OPCML: variants seen among roughly 807,000 people sequenced by gnomAD.
OPCML encodes the protein opioid-binding protein/cell adhesion molecule.
A neutral mutation model predicts 37.8 loss-of-function variants in OPCML; 13 were observed. That is an observed-to-expected ratio of 0.34 (90% CI 0.22 to 0.55). OPCML has a LOEUF of 0.55. Among genes scored for constraint, OPCML ranks in the 20% least tolerant of loss-of-function variants. OPCML has a pLI of 0.91. For missense variants in OPCML, 341 were observed against 435.6 expected (o/e 0.78, Z 1.93); for synonymous variants, 176 against 168.8 (o/e 1.04, Z -0.33).
chr11:133,165,786 A>T (rs1011621474), intron 1 of OPCML, among the ~76,000 whole-genome samples: 1 of 152,004 alleles, frequency 6.6e-6, no homozygotes, highest in African/African-American at 2.4e-5. Context: ...CTTGAAGCTC[A>T]CTTCACGTGT....
chr11:133,147,804 A>T (rs1949918645), intron 1 of OPCML, among the ~76,000 whole-genome samples: 1 of 152,198 alleles, frequency 6.6e-6, no homozygotes, highest in South Asian at 2.1e-4. Flanking sequence ...TCACCGGTTC[A>T]CACTGTTACT....
At chr11:133,503,156 A>G in intron 1 of OPCML, among the ~76,000 whole-genome samples, 1 of 152,214 alleles carries the variant, frequency 6.6e-6, no homozygotes, top group Non-Finnish European at 1.5e-5. Context: ...AGTGAGTTTC[A>G]GAAAAATGTG....
intron 2 of OPCML, among the ~76,000 whole-genome samples, chr11:132,851,103 C>A (rs1941789399): frequency 1.3e-5 from 2 of 152,170 alleles, no homozygotes; most frequent in Admixed American, 6.5e-5. Flanking sequence ...GATAACCAAG[C>A]ACAGAAGTGT....
chr11:132,985,255 C>T (rs541863981), intron 1 of OPCML, among the ~76,000 whole-genome samples: 2 of 152,172 alleles, frequency 1.3e-5, no homozygotes, highest in South Asian at 4.1e-4. Flanking sequence ...CAGGACATCA[C>T]CAGGCCAAAA....
intron 1 of OPCML, among the ~76,000 whole-genome samples, chr11:133,362,748 G>A (rs532180631): frequency 6.6e-6 from 1 of 152,248 alleles, no homozygotes; most frequent in South Asian, 2.1e-4. Context: ...AAGATGGAAG[G>A]ATAAGAGGAG....
intron 1 of OPCML, among the ~76,000 whole-genome samples, chr11:133,213,667 A>G (rs1203104776): frequency 6.6e-6 from 1 of 152,204 alleles, no homozygotes; most frequent in Non-Finnish European, 1.5e-5. Flanking sequence ...AAAAGTTACA[A>G]CATTGCAGTT....
chr11:132,650,015 A>C lies in OPCML; in HGVS notation c.379+7072T>G, dbSNP rs528090665. Among the ~76,000 whole-genome samples the C allele has an allele frequency of 1.8e-4, 27 of 152,162 alleles. No homozygotes were observed. The South Asian group carries it at 5.4e-3, about 30-fold the overall frequency. On this transcript the variant is annotated intron_variant, in intron 3 of 7. Coordinates refer to ENST00000524381, the MANE Select transcript of OPCML (RefSeq NM_001012393.5). ...CACTCACACAGTTTTTATAGGTTGT[A>C]TGGCTCTTTCCTCTGTGGCCTCTGG...
At chr11:133,201,497 T>G (rs509892) in intron 1 of OPCML, among the ~76,000 whole-genome samples, 1 of 151,956 alleles carries the variant, frequency 6.6e-6, no homozygotes, top group South Asian at 2.1e-4. Flanking sequence ...CTGAGATAAA[T>G]TGGGGAGCCA....
intron 2 of OPCML, among the ~76,000 whole-genome samples, chr11:132,909,595 C>T (rs191724600): frequency 9.8e-5 from 15 of 152,314 alleles, no homozygotes; most frequent in Admixed American, 7.8e-4. Context: ...GGCTTCAGTC[C>T]GTTGTGGAGA....
chr11:133,157,081 T>C (rs541565943), intron 1 of OPCML, among the ~76,000 whole-genome samples: 12 of 151,982 alleles, frequency 7.9e-5, no homozygotes, highest in African/African-American at 1.2e-4. Context: ...GCATTCTGCT[T>C]ATCAGGTCAC....
chr11:133,144,702 A>G (rs1949874105), intron 1 of OPCML, among the ~76,000 whole-genome samples: 1 of 152,236 alleles, frequency 6.6e-6, no homozygotes, highest in Non-Finnish European at 1.5e-5. Context: ...ATGTGTTTAT[A>G]TCCAGTCTTA....
At chr11:132,976,517 C>T (rs574136226) in intron 1 of OPCML, among the ~76,000 whole-genome samples, 1 of 152,270 alleles carries the variant, frequency 6.6e-6, no homozygotes, top group East Asian at 1.9e-4. Flanking sequence ...ATGAGGTTAG[C>T]ATGTATAGCC....
intron 2 of OPCML, among the ~76,000 whole-genome samples, chr11:132,761,020 T>C (rs1439188600): frequency 1.3e-5 from 2 of 152,152 alleles, no homozygotes; most frequent in East Asian, 3.9e-4. Flanking sequence ...TAGCATTTGC[T>C]TGTCTGTAAA....
intron 1 of OPCML, among the ~76,000 whole-genome samples, chr11:133,222,528 G>A (rs903709948): frequency 3.3e-5 from 5 of 152,092 alleles, no homozygotes; most frequent in South Asian, 2.1e-4. Context: ...CACACACCTC[G>A]AAGAAGACAG....
chr11:133,231,197 G>A (rs970342491), intron 1 of OPCML, among the ~76,000 whole-genome samples: 9 of 152,172 alleles, frequency 5.9e-5, no homozygotes, highest in Non-Finnish European at 1.3e-4. Flanking sequence ...CACCTAAGGA[G>A]TAGCTGCGGA....
chr11:132,544,444 T>C (rs2096364305), intron 3 of OPCML, among the ~76,000 whole-genome samples: 1 of 152,210 alleles, frequency 6.6e-6, no homozygotes, highest in Admixed American at 6.5e-5. Context: ...GAAAATATTA[T>C]TCCCAGCAAC....
At chr11:133,207,813 A>G (rs1299108529) in intron 1 of OPCML, among the ~76,000 whole-genome samples, 3 of 152,116 alleles carry the variant, frequency 2.0e-5, no homozygotes, top group African/African-American at 7.2e-5. Context: ...TTATCTTGCA[A>G]TATGAGAGGA....
chr11:132,653,710 T>A (rs145730579), intron 3 of OPCML, among the ~76,000 whole-genome samples: 1 of 152,304 alleles, frequency 6.6e-6, no homozygotes, highest in African/African-American at 2.4e-5. Context: ...GGAAAGTTGG[T>A]GGCAGAGTGT....
chr11:133,333,389 A>G (rs1267200800), intron 1 of OPCML, among the ~76,000 whole-genome samples: 2 of 93,648 alleles, frequency 2.1e-5, no homozygotes, highest in East Asian at 9.8e-4. Context: ...AAGCAATGGG[A>G]AAAAAAAAAC....
Sources: gnomAD v4.1 joint callset for allele counts (sites outside exome capture counted in the v4.1 genomes callset) on GRCh38, gnomAD v4.1.1 for gene constraint, MANE v1.5 for transcripts, NCBI Gene and HGNC (gene_info 2026-07-23, HGNC 2026-07-21) for gene names.